Variants in DLGAP2 observed in about 807,000 individuals in gnomAD.
DLGAP2 encodes the protein disks large-associated protein 2.
Under a neutral mutation model 100.3 loss-of-function variants are expected in DLGAP2, and 26 were observed. The observed-to-expected ratio is 0.26, with a 90% CI of 0.19 to 0.36. The LOEUF (loss-of-function observed/expected upper bound fraction) is 0.36. Among genes scored for constraint, DLGAP2 ranks in the 10% least tolerant of loss-of-function variants. DLGAP2 has a pLI of 1.00. For synonymous variants in DLGAP2, 886 were observed against 630.1 expected (o/e 1.41, Z -6.08); for missense variants, 1,858 against 1,453.2 (o/e 1.28, Z -4.53).
chr8:1,497,172 T>G (rs1423074068), intron 3 of DLGAP2, among the ~76,000 whole-genome samples: 1 of 152,172 alleles, frequency 6.6e-6, no homozygotes, highest in Non-Finnish European at 1.5e-5. Flanking sequence ...AAGACAGATG[T>G]GCATTCCCAC....
intron 2 of DLGAP2, among the ~76,000 whole-genome samples, chr8:937,338 T>C (rs1799095029): frequency 6.6e-6 from 1 of 152,210 alleles, no homozygotes; most frequent in African/African-American, 2.4e-5. Context: ...TGTTTTAAGT[T>C]TTTCATCATC....
chr8:1,079,866 G>A (rs2129039169), intron 2 of DLGAP2, among the ~76,000 whole-genome samples: 1 of 152,360 alleles, frequency 6.6e-6, no homozygotes, highest in Non-Finnish European at 1.5e-5. Flanking sequence ...AGCAGCTTTT[G>A]ATTGGACGTG....
chr8:1,024,818 C>T (rs1301246845), intron 2 of DLGAP2, among the ~76,000 whole-genome samples: 3 of 152,162 alleles, frequency 2.0e-5, no homozygotes, highest in Admixed American at 6.5e-5. Context: ...AGGCCAGCGG[C>T]GTCTCAAGCT....
At chr8:1,018,100 C>G (rs1360887089) in intron 2 of DLGAP2, among the ~76,000 whole-genome samples, 2 of 151,848 alleles carry the variant, frequency 1.3e-5, no homozygotes, top group Non-Finnish European at 2.9e-5. Flanking sequence ...GACCAAGACT[C>G]TCACATGACC....
intron 2 of DLGAP2, among the ~76,000 whole-genome samples, chr8:1,039,564 T>C (rs36170172): frequency 0.15 from 5,452 of 37,540 alleles, 816 homozygotes; most frequent in Admixed American, 0.22. Flanking sequence ...GTGGTCAGCT[T>C]GGTGTGCGTG....
chr8:861,064 G>C (rs1384598504), intron 1 of DLGAP2, among the ~76,000 whole-genome samples: 1 of 152,166 alleles, frequency 6.6e-6, no homozygotes, highest in Non-Finnish European at 1.5e-5. Flanking sequence ...GAGCGGAGGG[G>C]ACATGAGGAG....
At chr8:1,063,315 A>G (rs1803144856) in intron 2 of DLGAP2, among the ~76,000 whole-genome samples, 1 of 152,072 alleles carries the variant, frequency 6.6e-6, no homozygotes, top group African/African-American at 2.4e-5. Flanking sequence ...AATTGCTGAG[A>G]TTTTAGAGGA....
chr8:1,621,986 C>T (rs1324149468), intron 6 of DLGAP2: 1 of 152,318 alleles, frequency 6.6e-6, no homozygotes, highest in East Asian at 1.9e-4. Context: ...ACTTTTTACC[C>T]TGAATGTGGA....
At position 1,448,920 on chromosome 8, in the gene DLGAP2, G is replaced by A. The variant is rs1798059192; in HGVS notation, c.107-52446G>A. 2.0e-5 allele frequency among the ~76,000 whole-genome samples: 3 copies of A among 152,306 alleles called. No homozygotes were observed. In the South Asian group the frequency reaches 6.2e-4, roughly 32 times the overall value. ...GATGTCTCTACAGTGGGTCAAACAT[G>A]CAGCCGCTGCTGGGCCTTCAAGGAA... On this transcript the variant is annotated intron_variant, in intron 3 of 14. Coordinates refer to ENST00000637795, the MANE Select transcript of DLGAP2 (RefSeq NM_001346810.2).
At chr8:857,961 C>A (rs1481134740) in intron 1 of DLGAP2, among the ~76,000 whole-genome samples, 1 of 150,382 alleles carries the variant, frequency 6.6e-6, no homozygotes, top group African/African-American at 2.5e-5. Context: ...GCCTCTGTCT[C>A]CTGGATTCAA....
chr8:1,064,190 A>G (rs755712052), intron 2 of DLGAP2, among the ~76,000 whole-genome samples: 2 of 152,232 alleles, frequency 1.3e-5, no homozygotes, highest in East Asian at 1.9e-4. Flanking sequence ...CCAATTTGCA[A>G]CAATTACTCA....
intron 1 of DLGAP2, among the ~76,000 whole-genome samples, chr8:877,224 C>T (rs1373032034): frequency 1.3e-5 from 2 of 152,038 alleles, no homozygotes; most frequent in East Asian, 1.9e-4. Flanking sequence ...GATTTTTTGT[C>T]AGAAACTGGA....
chr8:1,453,044 G>T (rs1041508411), intron 3 of DLGAP2, among the ~76,000 whole-genome samples: 6 of 152,198 alleles, frequency 3.9e-5, no homozygotes, highest in South Asian at 2.1e-4. Flanking sequence ...TGAAGGGTTA[G>T]ACATTTCTCT....
chr8:1,376,685 G>A (rs901741101), intron 3 of DLGAP2, among the ~76,000 whole-genome samples: 2 of 124,840 alleles, frequency 1.6e-5, no homozygotes, highest in Admixed American at 8.4e-5. Context: ...GGTCATCGGC[G>A]GATGGCGGGG....
intron 2 of DLGAP2, among the ~76,000 whole-genome samples, chr8:1,114,864 G>A (rs1008269713): frequency 6.6e-6 from 1 of 152,126 alleles, no homozygotes; most frequent in African/African-American, 2.4e-5. Context: ...CACTGCCTTA[G>A]CTGTGTCCCA....
intron 1 of DLGAP2, chr8:822,284 C>T (rs1463358188): frequency 2.5e-6 from 1 of 399,240 alleles, no homozygotes; most frequent in Non-Finnish European, 4.4e-6. Context: ...ATGGGTGCTC[C>T]ACCCGGGGAG....
chr8:1,511,715 G>T (rs1800170387), intron 4 of DLGAP2, among the ~76,000 whole-genome samples: 2 of 151,438 alleles, frequency 1.3e-5, no homozygotes, highest in Non-Finnish European at 2.9e-5. Flanking sequence ...GGACGTAAGT[G>T]CTGTCTAGTG....
rs372487661 is a variant in DLGAP2, at chr8:883,532, A to G, written c.19-24380A>G. 4.0e-5 allele frequency among the ~76,000 whole-genome samples: 6 copies of G among 150,346 alleles called. No homozygotes were observed. The East Asian group carries it at 1.2e-3, about 29-fold the overall frequency. On this transcript the variant is annotated intron_variant, in intron 1 of 14. Transcript: ENST00000637795. ...AATTTCTTCTTAAAAAAAAAAACCC[A>G]GGATACATGTACAGAATGTGCAGGT...
intron 3 of DLGAP2, among the ~76,000 whole-genome samples, chr8:1,449,871 GCGGCC>G: frequency 6.7e-6 from 1 of 148,708 alleles, no homozygotes; most frequent in East Asian, 2.0e-4. Context: ...GACGAGGTGG[GCGGCC>G]TCGGTGGCTG....
Sources: gnomAD v4.1 joint callset for allele counts (sites outside exome capture counted in the v4.1 genomes callset) on GRCh38, gnomAD v4.1.1 for gene constraint, MANE v1.5 for transcripts, NCBI Gene and HGNC (gene_info 2026-07-23, HGNC 2026-07-21) for gene names.